The following CNTN5 variants were observed in gnomAD, a reference collection of about 807,000 sequenced individuals.
The protein encoded by CNTN5 is contactin-5.
Under a neutral mutation model 129.1 loss-of-function variants are expected in CNTN5, and 77 were observed. That is an observed-to-expected ratio of 0.60 (90% CI 0.50 to 0.72). CNTN5 has a LOEUF of 0.72. Among genes scored for constraint, CNTN5 ranks in the 30% least tolerant of loss-of-function variants. The pLI is 0.00. For synonymous variants in CNTN5, 509 were observed against 465.6 expected, an observed-to-expected ratio of 1.09 and a Z score of -1.20; for missense variants, 1,478 against 1,328.8, an observed-to-expected ratio of 1.11 and a Z score of -1.75.
intron 3 of CNTN5, among the ~76,000 whole-genome samples, chr11:99,642,346 A>T (rs2135846800): frequency 6.6e-6 from 1 of 152,252 alleles, no homozygotes; most frequent in Non-Finnish European, 1.5e-5. Flanking sequence ...TGAAATTTTT[A>T]ATTCTTAATA....
chr11:99,873,516 C>G (rs1017202526), intron 6 of CNTN5, among the ~76,000 whole-genome samples: 1 of 152,106 alleles, frequency 6.6e-6, no homozygotes, highest in Non-Finnish European at 1.5e-5. Flanking sequence ...ACTGTGATAT[C>G]ATCTTAACAC....
chr11:99,810,661 A>C (rs1288601995), intron 3 of CNTN5, among the ~76,000 whole-genome samples: 1 of 152,146 alleles, frequency 6.6e-6, no homozygotes, highest in Non-Finnish European at 1.5e-5. Flanking sequence ...ACCATTTCTA[A>C]ATATTCTCCA....
At chr11:100,252,245 G>GT (rs1298960613) in intron 16 of CNTN5, among the ~76,000 whole-genome samples, 6 of 151,996 alleles carry the variant, frequency 3.9e-5, no homozygotes, top group African/African-American at 1.4e-4. Flanking sequence ...AGATGTGACT[G>GT]TTTTTTAATA....
At chr11:99,759,568 G>T (rs1944511506) in intron 3 of CNTN5, among the ~76,000 whole-genome samples, 1 of 151,874 alleles carries the variant, frequency 6.6e-6, no homozygotes, top group Non-Finnish European at 1.5e-5. Context: ...ATGACCCCAA[G>T]AATTTACCAA....
At chr11:99,193,219 A>C (rs10892872) in intron 1 of CNTN5, among the ~76,000 whole-genome samples, 102,486 of 151,944 alleles carry the variant, frequency 0.67, 34,834 homozygotes, top group African/African-American at 0.76. Flanking sequence ...TCACTATAAA[A>C]ATGAAATTTT....
At chr11:100,076,667 T>C (rs1944139860) in intron 13 of CNTN5, among the ~76,000 whole-genome samples, 1 of 151,322 alleles carries the variant, frequency 6.6e-6, no homozygotes. Context: ...AAGGCTAAAA[T>C]GTAATTTTTT....
intron 13 of CNTN5, among the ~76,000 whole-genome samples, chr11:100,120,137 T>A (rs1945968778): frequency 6.6e-6 from 1 of 151,980 alleles, no homozygotes; most frequent in African/African-American, 2.4e-5. Flanking sequence ...CCAGATGTGT[T>A]GTTTTTCACT....
At chr11:99,101,844 C>T (rs115121247) in intron 1 of CNTN5, among the ~76,000 whole-genome samples, 2 of 152,264 alleles carry the variant, frequency 1.3e-5, no homozygotes, top group South Asian at 4.1e-4. Context: ...AGGACGGTGG[C>T]CCTTTTCTCA....
At position 99,288,616 on chromosome 11, in the gene CNTN5, T is replaced by C. The variant is rs145307589; in HGVS notation, c.-209-36730T>C. Among the ~76,000 whole-genome samples the C allele has an allele frequency of 2.1e-3, 319 of 152,012 alleles. 2 individuals carry two copies. The highest frequency in any genetic ancestry group is 7.3e-3 in the African/African-American group (305 of 41,554). Reference sequence around the variant, plus strand: ...GATGACTACAGCTTTAATGTAGTTCTGTTTTTGATTAGTGTAATGTCATTT... The same window carrying C: ...GATGACTACAGCTTTAATGTAGTTCCGTTTTTGATTAGTGTAATGTCATTT... On this transcript the variant is annotated intron_variant, in intron 1 of 24. Transcript: ENST00000524871.
At chr11:99,787,998 T>G (rs1945597426) in intron 3 of CNTN5, among the ~76,000 whole-genome samples, 1 of 151,916 alleles carries the variant, frequency 6.6e-6, no homozygotes, top group Non-Finnish European at 1.5e-5. Flanking sequence ...TCATACAGCA[T>G]TTACTAAAAT....
At chr11:99,025,503 T>C (rs1863073918) in intron 1 of CNTN5, among the ~76,000 whole-genome samples, 1 of 151,738 alleles carries the variant, frequency 6.6e-6, no homozygotes, top group South Asian at 2.1e-4. Context: ...TCCATTACTA[T>C]CCAGTAGTAA....
intron 3 of CNTN5, among the ~76,000 whole-genome samples, chr11:99,650,276 T>C (rs1591422774): frequency 6.6e-6 from 1 of 152,052 alleles, no homozygotes; most frequent in Admixed American, 6.6e-5. Context: ...CAGTGTTTTC[T>C]TTCCTCATCA....
chr11:100,047,478 G>T (rs1053703312), intron 9 of CNTN5, among the ~76,000 whole-genome samples: 7 of 152,116 alleles, frequency 4.6e-5, no homozygotes, highest in African/African-American at 1.7e-4. Context: ...ATAATGTGAA[G>T]CCTCTAATAA....
chr11:99,121,945 AAAT>A (rs1483080011), intron 1 of CNTN5, among the ~76,000 whole-genome samples: 1 of 151,878 alleles, frequency 6.6e-6, no homozygotes, highest in African/African-American at 2.4e-5. Flanking sequence ...TAAAAAATAG[AAAT>A]AATACTTTTA....
intron 1 of CNTN5, among the ~76,000 whole-genome samples, chr11:99,219,884 A>G (rs1053164782): frequency 6.6e-6 from 1 of 151,930 alleles, no homozygotes; most frequent in South Asian, 2.1e-4. Context: ...TTAATTTCTC[A>G]TCTCTGCCTT....
At chr11:100,161,840 C>T (rs1036088889) in intron 13 of CNTN5, among the ~76,000 whole-genome samples, 153 of 95,384 alleles carry the variant, frequency 1.6e-3, no homozygotes, top group Non-Finnish European at 2.6e-3. Flanking sequence ...TACACACACA[C>T]ACACACACAC....
chr11:100,191,100 A>T, intron 13 of CNTN5, 26 bp from the exon 14 acceptor site: 2 of 1,557,244 alleles, frequency 1.3e-6, no homozygotes, highest in Non-Finnish European at 1.7e-6. Context: ...AAACAGAAAA[A>T]AAAACTGTTT....
At chr11:99,201,149 T>C (rs1427069307) in intron 1 of CNTN5, among the ~76,000 whole-genome samples, 3 of 149,450 alleles carry the variant, frequency 2.0e-5, no homozygotes, top group Non-Finnish European at 4.4e-5. Flanking sequence ...GTCAGCCTCC[T>C]GAGTAGCTGG....
intron 2 of CNTN5, among the ~76,000 whole-genome samples, chr11:99,480,490 A>G (rs1945550221): frequency 6.6e-6 from 1 of 152,204 alleles, no homozygotes; most frequent in African/African-American, 2.4e-5. Flanking sequence ...AAATGACTAA[A>G]TATCTGTAGA....
Sources: gnomAD v4.1 joint callset for allele counts (sites outside exome capture counted in the v4.1 genomes callset) on GRCh38, gnomAD v4.1.1 for gene constraint, MANE v1.5 for transcripts, NCBI Gene and HGNC (gene_info 2026-07-23, HGNC 2026-07-21) for gene names.